ZNF30: variants seen among roughly 807,000 people sequenced by gnomAD.
The protein encoded by ZNF30 is zinc finger protein 30 (KOX 28).
A neutral mutation model predicts 13.2 loss-of-function variants in ZNF30; 15 were observed. That is an observed-to-expected ratio of 1.13 (90% CI 0.76 to 1.75). The LOEUF is 1.75. ZNF30 is among the 40% of genes most tolerant of loss of function. The pLI, the probability that ZNF30 is intolerant of heterozygous loss-of-function variation, is 0.00. For synonymous variants in ZNF30, 223 were observed against 256.6 expected (o/e 0.87, Z 1.25); for missense variants, 726 against 757.0 (o/e 0.96, Z 0.48).
At chr19:34,940,691 A>T (rs1262136076) in intron 4 of ZNF30, among the ~76,000 whole-genome samples, 1 of 149,890 alleles carries the variant, frequency 6.7e-6, no homozygotes, top group African/African-American at 2.5e-5. Context: ...AAAAAAAAAA[A>T]ATAGAATATC....
At position 34,944,731 on chromosome 19, in the gene ZNF30, G is replaced by T. The variant is rs1489669872; in HGVS notation, c.1765G>T (p.Val589Leu). The change falls in exon 5 of 5, where the codon GTA becomes TTA. Residue 589 changes from valine (V) to leucine (L), a missense_variant. Transcript: ENST00000601142. ...TTCATTCCTTACTGAACATCAGCGG[G>T]TACACACTGGTGAGAAACCCTTTAA... Reference protein sequence around the residue: ...LNSFLTEHQRVHTGEKPFKCK... With the variant: ...LNSFLTEHQRLHTGEKPFKCK... The T allele has an allele frequency of 6.2e-7, 1 of 1,613,912 alleles. No homozygotes were observed. The highest frequency in any genetic ancestry group is 8.5e-7 in the Non-Finnish European group (1 of 1,179,904).
chr19:34,928,240 TATATATATATATATAGATAGATAG>T (rs1417465018), intron 1 of ZNF30, among the ~76,000 whole-genome samples: 8 of 108,832 alleles, frequency 7.4e-5, no homozygotes, highest in African/African-American at 1.5e-4. Context: ...TATATATATA[TATATATATATATATAGATAGATAG>T]ATAGATAGAT....
intron 2 of ZNF30, among the ~76,000 whole-genome samples, chr19:34,930,313 T>G (rs1025793319): frequency 6.6e-6 from 1 of 152,158 alleles, no homozygotes; most frequent in African/African-American, 2.4e-5. Flanking sequence ...ATCAGAAGAT[T>G]TGAAGTTTTC....
chr19:34,940,896 G>T (rs1410845896), intron 4 of ZNF30, among the ~76,000 whole-genome samples: 1 of 152,062 alleles, frequency 6.6e-6, no homozygotes, highest in African/African-American at 2.4e-5. Flanking sequence ...AGAGCCCACA[G>T]AACCAGATAT....
chr19:34,938,102 CA>C (rs1484208395), intron 4 of ZNF30, among the ~76,000 whole-genome samples: 1 of 152,002 alleles, frequency 6.6e-6, no homozygotes. Context: ...AGTCTGACCA[CA>C]ATATTTAGCC....
chr19:34,936,274 G>A (rs1034814601), intron 4 of ZNF30, among the ~76,000 whole-genome samples: 1 of 152,156 alleles, frequency 6.6e-6, no homozygotes, highest in Non-Finnish European at 1.5e-5. Flanking sequence ...GTTTTGATTA[G>A]GATGTTAATG....
chr19:34,938,749 T>C (rs8111770), intron 4 of ZNF30, among the ~76,000 whole-genome samples: 7,860 of 152,236 alleles, frequency 0.052, 659 homozygotes, highest in African/African-American at 0.18. Context: ...TGTGGTTGTC[T>C]TGGCTCTATC....
intron 1 of ZNF30, among the ~76,000 whole-genome samples, chr19:34,927,539 T>C (rs2012142793): frequency 6.6e-6 from 1 of 152,240 alleles, no homozygotes; most frequent in Admixed American, 6.5e-5. Context: ...TTACACCTTT[T>C]AAAGATGAGA....
chr19:34,942,802 A>G (rs2013114049), intron 4 of ZNF30: 3 of 333,808 alleles, frequency 9.0e-6, no homozygotes, highest in Non-Finnish European at 1.1e-5. Flanking sequence ...GGAAAGATAC[A>G]TGGATTTTAA....
intron 1 of ZNF30, among the ~76,000 whole-genome samples, chr19:34,927,756 T>G (rs1316108292): frequency 1.3e-5 from 2 of 152,254 alleles, no homozygotes; most frequent in African/African-American, 2.4e-5. Context: ...GCAGTAGCTC[T>G]CTCTCTCTAG....
At chr19:34,933,784 G>A (rs755183466) in intron 4 of ZNF30, 61 bp downstream of exon 4, 25 of 1,158,902 alleles carry the variant, frequency 2.2e-5, no homozygotes, top group African/African-American at 3.1e-5. Flanking sequence ...AGCTGTCAGG[G>A]AGGAAGTGCA....
In ZNF30 at chr19:34,927,218, T is replaced by G; in HGVS notation, c.-65+2T>G. The G allele has an allele frequency of 5.2e-6, 2 of 382,504 alleles. No homozygotes were observed. Among genetic ancestry groups the G allele is most frequent in the Non-Finnish European group, 9.2e-6 (2 of 216,394 alleles). 23.7% of individuals were successfully genotyped at this position (382,504 alleles called of 1,614,324 possible). A position where few individuals can be genotyped will look rare whatever the true frequency, so the allele number is the denominator to read the frequency against. ...CGCGGAACCCGGACTGAGACATGCG[T>G]GAGCGTTGGGTGGACCGGGCGAGGA... On this transcript the variant is annotated splice_donor_variant, in intron 1 of 4. Coordinates refer to ENST00000601142, the MANE Select transcript of ZNF30 (RefSeq NM_194325.3). LOFTEE classifies it low-confidence loss of function (5UTR_SPLICE).
intron 4 of ZNF30, among the ~76,000 whole-genome samples, chr19:34,936,669 G>A (rs747619656): frequency 6.6e-6 from 1 of 152,186 alleles, no homozygotes; most frequent in Non-Finnish European, 1.5e-5. Flanking sequence ...GCCAAGTTGG[G>A]AGGATCACTT....
chr19:34,928,250 T>G (rs1294807057), intron 1 of ZNF30, among the ~76,000 whole-genome samples: 16 of 53,454 alleles, frequency 3.0e-4, no homozygotes, highest in Admixed American at 8.8e-4. Flanking sequence ...TATATATATA[T>G]ATATAGATAG....
chr19:34,933,534 G>A (rs575979438), intron 3 of ZNF30, 94 bp from the exon 4 acceptor site: 24 of 853,462 alleles, frequency 2.8e-5, no homozygotes, highest in Middle Eastern at 2.3e-4. Context: ...GGTCAATATC[G>A]TTTGACCTTT....
chr19:34,944,524 G>C lies in ZNF30; in HGVS notation c.1558G>C (p.Ala520Pro), dbSNP rs772304407. ...KPYECKECGK[A>P]FSSGSYLVQH... ...CTATGAGTGTAAGGAGTGTGGCAAG[G>C]CCTTCAGTTCTGGCTCATACCTTGT... Residue 520 changes from alanine to proline, a missense_variant, in exon 5 of 5, where the codon GCC (alanine) becomes CCC (proline). Physicochemically the swap from Ala to Pro is conservative, Grantham distance 27 (BLOSUM62 -1). Transcript: ENST00000601142. The C allele has an allele frequency of 6.2e-7, 1 of 1,614,040 alleles. No individual in the cohort carries two copies.
In ZNF30 at chr19:34,943,837, A is replaced by G. The variant is rs2013181774; in HGVS notation, c.871A>G (p.Lys291Glu). The stretch of plus-strand genomic sequence containing the variant: ...TACCAGTGAAAAACCTTACGAATGC[A>G]AAGAATGTGGGAAGGCCTTTAGCAC... ...IHTSEKPYEC[K>E]ECGKAFSTSS... Residue 291 changes from lysine (K) to glutamate (E), a missense_variant, in exon 5 of 5, where the codon AAA becomes GAA. Transcript: ENST00000601142. 2 of 1,613,534 alleles carry G rather than the reference A, an allele frequency of 1.2e-6. No homozygotes were observed. The highest frequency in any genetic ancestry group is 1.7e-6 in the Non-Finnish European group (2 of 1,179,850).
intron 2 of ZNF30, among the ~76,000 whole-genome samples, chr19:34,930,615 T>C (rs1316329978): frequency 6.6e-6 from 1 of 152,158 alleles, no homozygotes; most frequent in Non-Finnish European, 1.5e-5. Context: ...CCCAGGACCT[T>C]GGGAGCCCCA....
chr19:34,943,079 T>C, intron 4 of ZNF30, 144 bp from the exon 5 acceptor site: 3 of 298,818 alleles, frequency 1.0e-5, no homozygotes, highest in Non-Finnish European at 1.0e-5. Context: ...CTGCATTCCT[T>C]TTTTTTTTTT....
Sources: allele counts gnomAD v4.1 joint callset (sites outside exome capture counted in the v4.1 genomes callset), GRCh38; gene constraint gnomAD v4.1.1; transcripts MANE v1.5; gene names NCBI Gene and HGNC (gene_info 2026-07-23, HGNC 2026-07-21).